Variants in PAK3 observed in about 807,000 individuals in gnomAD.
The protein encoded by PAK3 is p21 (RAC1) activated kinase 3.
A neutral mutation model predicts 41.0 loss-of-function variants in PAK3; 4 were observed. The observed-to-expected ratio is 0.10, with a 90% CI of 0.05 to 0.22. The LOEUF (loss-of-function observed/expected upper bound fraction) is 0.22. Ranked by LOEUF, PAK3 falls within the 10% of genes least tolerant of loss-of-function variation. The pLI, the probability that PAK3 is intolerant of heterozygous loss-of-function variation, is 1.00. For missense variants in PAK3, 205 were observed against 409.9 expected (o/e 0.50, Z 4.32); for synonymous variants, 146 against 139.6 (o/e 1.05, Z -0.32).
intron 1 of PAK3, among the ~76,000 whole-genome samples, chrX:111,033,864 GC>G (rs1459410197): frequency 4.5e-5 from 5 of 111,035 alleles, no homozygotes; most frequent in Non-Finnish European, 7.5e-5. Context: ...GCTTGGGTGG[GC>G]CCATGTTGTT....
chrX:111,208,774 G>A (rs996144609), intron 16 of PAK3, among the ~76,000 whole-genome samples: 1 of 111,797 alleles, frequency 8.9e-6, no homozygotes, highest in African/African-American at 3.3e-5. Context: ...TATTTACATG[G>A]CATTTACATT....
chrX:111,132,889 TAC>T (rs1183361962), intron 5 of PAK3, among the ~76,000 whole-genome samples: 6 of 110,338 alleles, frequency 5.4e-5, no homozygotes, highest in Non-Finnish European at 1.9e-5. Context: ...GCAGAAATCA[TAC>T]ACACACACAC....
chrX:111,152,375 G>A (rs761748049), intron 7 of PAK3, 35 bp from the exon 8 acceptor site: 1 of 1,041,044 alleles, frequency 9.6e-7, no homozygotes, highest in Admixed American at 2.2e-5. Context: ...CATTCTTTAT[G>A]AAACAAAAAT....
At chrX:111,041,046 G>C (rs2092448400) in intron 1 of PAK3, among the ~76,000 whole-genome samples, 1 of 112,366 alleles carries the variant, frequency 8.9e-6, no homozygotes, top group African/African-American at 3.2e-5. Flanking sequence ...CTTTCTTCCA[G>C]CCCCCATCAC....
rs1292359421 is a variant in PAK3 at position 111,222,943 on chromosome X, A to G, written c.*2496A>G. The G allele has an allele frequency of 9.0e-6, 1 of 111,373 alleles. No homozygotes were observed. Among genetic ancestry groups the G allele is most frequent in the African/African-American group, 3.3e-5 (1 of 30,647 alleles). The allele number at this position is 111,373 out of a possible 1,213,427, so 9.2% of individuals were successfully genotyped here. A position where few individuals can be genotyped will look rare whatever the true frequency, so the allele number is the denominator to read the frequency against. On this transcript the variant is annotated 3_prime_UTR_variant, in exon 18 of 18. Transcript: ENST00000372007. ...TATCCCAGGAGGCATTACTTTTATA[A>G]ATTTGTATTCATGTAAATTTTCAAA...
chrX:111,203,433 C>G (rs1323280315), intron 16 of PAK3, among the ~76,000 whole-genome samples: 2 of 111,425 alleles, frequency 1.8e-5, no homozygotes, highest in Non-Finnish European at 3.8e-5. Context: ...AATGGGCTAG[C>G]TGCTGACCGA....
At chrX:111,201,558 T>C (rs965298574) in intron 16 of PAK3, among the ~76,000 whole-genome samples, 4 of 111,178 alleles carry the variant, frequency 3.6e-5, no homozygotes, top group African/African-American at 1.3e-4. Context: ...AGGAAGGAAG[T>C]GAAATAAGTG....
intron 10 of PAK3, 110 bp downstream of exon 10, chrX:111,163,837 C>T: frequency 1.6e-6 from 1 of 628,561 alleles, no homozygotes; most frequent in Non-Finnish European, 2.7e-6. Flanking sequence ...GAACTCCAGA[C>T]TTCCCAAAAT....
chrX:111,081,913 T>C (rs1287160293), intron 1 of PAK3, among the ~76,000 whole-genome samples: 1 of 111,658 alleles, frequency 9.0e-6, no homozygotes, highest in African/African-American at 3.3e-5. Context: ...GTATCTTCTA[T>C]GTCTAGCATG....
intron 1 of PAK3, among the ~76,000 whole-genome samples, chrX:111,088,419 C>T (rs757992195): frequency 4.8e-4 from 54 of 111,778 alleles, no homozygotes; most frequent in Non-Finnish European, 7.5e-4. Context: ...TCCCTCCTGG[C>T]TTTTGTCCTT....
At chrX:111,204,316 T>C (rs1437873910) in intron 16 of PAK3, among the ~76,000 whole-genome samples, 1 of 111,139 alleles carries the variant, frequency 9.0e-6, no homozygotes, top group Non-Finnish European at 1.9e-5. Context: ...AGAAAGTTTA[T>C]GCTACTATTA....
rs189578983 is a variant in PAK3, at chrX:111,128,726, T to A, written c.175+5448T>A. On this transcript the variant is annotated intron_variant, in intron 5 of 17. Transcript: ENST00000372007. ...TTCTTTAAGAAGATGATAGTGTGATTTGAAACATATCTGAATTTCAGAAGA... is the reference window on the plus strand; with the variant it reads ...TTCTTTAAGAAGATGATAGTGTGATATGAAACATATCTGAATTTCAGAAGA... Among the ~76,000 whole-genome samples, 4 of 112,382 alleles carry A rather than the reference T, an allele frequency of 3.6e-5. No homozygotes were observed. The East Asian group carries it at 1.1e-3, about 32-fold the overall frequency.
chrX:110,976,454 A>G (rs2091332079), intron 1 of PAK3, among the ~76,000 whole-genome samples: 3 of 112,213 alleles, frequency 2.7e-5, no homozygotes, highest in African/African-American at 6.5e-5. Flanking sequence ...AAAAGTCAGG[A>G]AACAACAGAT....
At chrX:111,077,450 T>C (rs1349480779) in intron 1 of PAK3, among the ~76,000 whole-genome samples, 1 of 111,613 alleles carries the variant, frequency 9.0e-6, no homozygotes, top group Non-Finnish European at 1.9e-5. Flanking sequence ...GGTACTGGCA[T>C]AAGAATAGAT....
In PAK3 at chrX:111,192,571, G is replaced by T. The variant is rs746782321; in HGVS notation, c.945G>T (p.Leu315=). ...PKKELIINEI[L]VMRENKNPNI... is the part of the protein sequence containing the mutation. ...AGGAATTAATTATTAATGAAATTCT[G>T]GTCATGAGGGAAAATAAGAACCCTA... The change falls in exon 13 of 18, where the codon CTG becomes CTT. Residue 315 remains leucine (L), a synonymous_variant. Transcript: ENST00000372007. 8.8e-7 allele frequency: 1 copy of T among 1,140,270 alleles called. No homozygotes were observed. The highest frequency in any genetic ancestry group is 3.0e-5 in the East Asian group (1 of 33,541). 94.0% of individuals were successfully genotyped at this position (1,140,270 alleles called of 1,213,427 possible).
chrX:111,156,043 C>T (rs1265548341), intron 8 of PAK3, among the ~76,000 whole-genome samples: 2 of 111,199 alleles, frequency 1.8e-5, no homozygotes, highest in East Asian at 2.8e-4. Context: ...AGTAATCTGA[C>T]GGCAAATGTC....
chrX:111,039,912 G>A (rs1437821924), intron 1 of PAK3, among the ~76,000 whole-genome samples: 2 of 101,821 alleles, frequency 2.0e-5, no homozygotes, highest in African/African-American at 7.3e-5. Context: ...TGCCAACCCT[G>A]AAAAGCCAGG....
At position 110,958,945 on chromosome X, in the gene PAK3, T is replaced by C. The variant is rs1380075025; in HGVS notation, c.-28+14317T>C. The stretch of plus-strand genomic sequence containing the variant: ...GGACATTACTCTGGATTATGCTTTT[T>C]TAAAAAAACAAATGTGACGCACTCA... On this transcript the variant is annotated intron_variant, in intron 1 of 14. Transcript: ENST00000425146. Among the ~76,000 whole-genome samples, 34 of 112,186 alleles carry C rather than the reference T, an allele frequency of 3.0e-4. 1 individual carries two copies. The Admixed American group carries it at 3.2e-3, about 11-fold the overall frequency.
chrX:110,950,099 G>T (rs950965423), intron 1 of PAK3, among the ~76,000 whole-genome samples: 1 of 109,947 alleles, frequency 9.1e-6, no homozygotes, highest in African/African-American at 3.3e-5. Context: ...CATTGTGGGG[G>T]AGTGGCACAG....
Sources: gnomAD v4.1 joint callset for allele counts (sites outside exome capture counted in the v4.1 genomes callset) on GRCh38, gnomAD v4.1.1 for gene constraint, MANE v1.5 for transcripts, NCBI Gene and HGNC (gene_info 2026-07-23, HGNC 2026-07-21) for gene names.